PLCB1: variants seen among roughly 807,000 people sequenced by gnomAD.
PLCB1 encodes 1-phosphatidylinositol 4,5-bisphosphate phosphodiesterase beta-1.
Under a neutral mutation model 161.8 loss-of-function variants are expected in PLCB1, and 46 were observed. The observed-to-expected ratio is 0.28, with a 90% CI of 0.22 to 0.36. The LOEUF (loss-of-function observed/expected upper bound fraction) is 0.36, where lower values mean the gene tolerates loss of function less well. Ranked by LOEUF, PLCB1 falls within the 10% of genes least tolerant of loss-of-function variation. The probability of loss-of-function intolerance (pLI) is 1.00; values close to 1 mark genes in which losing one functional copy is unlikely to be tolerated. For missense variants in PLCB1, 1,016 were observed against 1,472.5 expected, an observed-to-expected ratio of 0.69 and a Z score of 5.07; for synonymous variants, 517 against 503.7, an observed-to-expected ratio of 1.03 and a Z score of -0.35.
intron 3 of PLCB1, among the ~76,000 whole-genome samples, chr20:8,573,893 G>C (rs1884513450): frequency 6.6e-6 from 1 of 152,148 alleles, no homozygotes; most frequent in East Asian, 1.9e-4. Flanking sequence ...TTATTTCAGG[G>C]TAATTACACA....
chr20:8,720,202 T>G (rs982080085), intron 14 of PLCB1, among the ~76,000 whole-genome samples: 1 of 152,220 alleles, frequency 6.6e-6, no homozygotes, highest in Non-Finnish European at 1.5e-5. Flanking sequence ...GTGCTTGTGT[T>G]TTTTACCATC....
At chr20:8,215,318 A>G (rs1348331383) in intron 2 of PLCB1, among the ~76,000 whole-genome samples, 1 of 152,082 alleles carries the variant, frequency 6.6e-6, no homozygotes, top group Non-Finnish European at 1.5e-5. Context: ...TTAAGTAGCT[A>G]ACAGAGAAAA....
intron 2 of PLCB1, among the ~76,000 whole-genome samples, chr20:8,263,375 G>C (rs2743166): frequency 6.6e-6 from 1 of 152,118 alleles, no homozygotes; most frequent in Non-Finnish European, 1.5e-5. Flanking sequence ...TATTATTTCA[G>C]ATTGTGACAT....
intron 3 of PLCB1, among the ~76,000 whole-genome samples, chr20:8,525,402 T>C (rs1984543591): frequency 6.6e-6 from 1 of 152,182 alleles, no homozygotes; most frequent in Non-Finnish European, 1.5e-5. Context: ...GTCATAAATA[T>C]CTGTCAGCAT....
chr20:8,758,166 C>T (rs987720134), intron 24 of PLCB1, among the ~76,000 whole-genome samples: 1 of 149,746 alleles, frequency 6.7e-6, no homozygotes, highest in Non-Finnish European at 1.5e-5. Context: ...CTTTGTCATA[C>T]TAGATCAGGG....
chr20:8,671,773 A>G (rs1989950698), intron 9 of PLCB1, among the ~76,000 whole-genome samples: 1 of 152,142 alleles, frequency 6.6e-6, no homozygotes. Flanking sequence ...GGCCAGTGTT[A>G]GGAAAGTTAT....
chr20:8,703,109 T>C (rs544575041), intron 11 of PLCB1, among the ~76,000 whole-genome samples: 24 of 152,234 alleles, frequency 1.6e-4, no homozygotes, highest in African/African-American at 5.8e-4. Context: ...CAGTACAAGC[T>C]CTTCCATTTA....
intron 3 of PLCB1, among the ~76,000 whole-genome samples, chr20:8,401,606 C>G (rs1409960785): frequency 1.3e-5 from 2 of 152,198 alleles, no homozygotes; most frequent in African/African-American, 4.8e-5. Context: ...ATCTCTTGCT[C>G]AAACCATCTG....
At chr20:8,387,404 A>G (rs184042491) in intron 3 of PLCB1, among the ~76,000 whole-genome samples, 5 of 152,324 alleles carry the variant, frequency 3.3e-5, no homozygotes, top group African/African-American at 7.2e-5. Context: ...CAGCTGGCCA[A>G]TGGAGCAGTC....
At chr20:8,261,709 C>T (rs904152513) in intron 2 of PLCB1, among the ~76,000 whole-genome samples, 1 of 152,008 alleles carries the variant, frequency 6.6e-6, no homozygotes. Context: ...TGAGTCTTGC[C>T]TATTTGGTTA....
Position 8,261,466 on chromosome 20 carries a change from A to G in PLCB1, c.178-109916A>G, listed in dbSNP as rs891529725. On this transcript the variant is annotated intron_variant, in intron 2 of 31. Transcript: ENST00000338037. ...ATTTAGGGAAACATACCTTAAGGCT[A>G]TTAAACTCTTTCCTTCCTATAAGAT... Among the ~76,000 whole-genome samples the G allele has an allele frequency of 3.9e-5, 6 of 152,328 alleles. No homozygotes were observed. In the South Asian group the frequency reaches 8.3e-4, roughly 21 times the overall value.
chr20:8,654,372 T>G (rs1424309937), intron 7 of PLCB1, among the ~76,000 whole-genome samples: 1 of 152,042 alleles, frequency 6.6e-6, no homozygotes. Flanking sequence ...GGGTGCCTGA[T>G]GTGATGGACC....
At chr20:8,462,580 G>A (rs752933021) in intron 3 of PLCB1, among the ~76,000 whole-genome samples, 10 of 152,212 alleles carry the variant, frequency 6.6e-5, no homozygotes, top group Non-Finnish European at 1.0e-4. Flanking sequence ...GCAGCAAACC[G>A]AACTTCCCAT....
chr20:8,291,818 G>A (rs1983396258), intron 2 of PLCB1, among the ~76,000 whole-genome samples: 2 of 152,052 alleles, frequency 1.3e-5, no homozygotes, highest in Non-Finnish European at 1.5e-5. Context: ...TGTCATGGTG[G>A]TATTATCATG....
intron 31 of PLCB1, among the ~76,000 whole-genome samples, chr20:8,822,899 C>G (rs180760149): frequency 6.6e-6 from 1 of 152,164 alleles, no homozygotes; most frequent in Non-Finnish European, 1.5e-5. Flanking sequence ...GGTTCCACAT[C>G]CATGGACTCA....
chr20:8,874,538 CAAAT>C (rs1385560808), intron 31 of PLCB1, among the ~76,000 whole-genome samples: 2 of 151,750 alleles, frequency 1.3e-5, no homozygotes, highest in Non-Finnish European at 2.9e-5. Context: ...TAATATAAAG[CAAAT>C]AAATAAATAT....
intron 3 of PLCB1, among the ~76,000 whole-genome samples, chr20:8,443,587 C>G (rs761913316): frequency 6.6e-6 from 1 of 152,172 alleles, no homozygotes; most frequent in South Asian, 2.1e-4. Flanking sequence ...CTCCTTACCC[C>G]AGAAAGCTGC....
At chr20:8,494,499 A>G (rs1428346481) in intron 3 of PLCB1, among the ~76,000 whole-genome samples, 1 of 152,188 alleles carries the variant, frequency 6.6e-6, no homozygotes, top group South Asian at 2.1e-4. Flanking sequence ...GCTCTCTTTC[A>G]TTTCAGAAGC....
intron 2 of PLCB1, among the ~76,000 whole-genome samples, chr20:8,205,275 C>T (rs1278605920): frequency 1.3e-5 from 2 of 152,048 alleles, no homozygotes; most frequent in African/African-American, 2.4e-5. Flanking sequence ...TATTAGCATT[C>T]GTATATTTTA....
Sources: allele counts gnomAD v4.1 joint callset (sites outside exome capture counted in the v4.1 genomes callset), GRCh38; gene constraint gnomAD v4.1.1; transcripts MANE v1.5; gene names NCBI Gene and HGNC (gene_info 2026-07-23, HGNC 2026-07-21).